SLC38A7: variants seen among roughly 807,000 people sequenced by gnomAD.
SLC38A7 encodes the protein sodium-coupled neutral amino acid transporter 7.
In SLC38A7, 29 loss-of-function variants were observed where a neutral mutation model predicts 50.1. The observed-to-expected ratio is 0.58, with a 90% CI of 0.43 to 0.79. The LOEUF (loss-of-function observed/expected upper bound fraction) is 0.79. SLC38A7 is among the 30% of genes least tolerant of loss of function. SLC38A7 has a pLI of 0.00. For synonymous variants in SLC38A7, 244 were observed against 245.9 expected, an observed-to-expected ratio of 0.99 and a Z score of 0.07; for missense variants, 483 against 610.6, an observed-to-expected ratio of 0.79 and a Z score of 2.20.
chr16:58,668,235 T>A (rs1238868319), intron 11 of SLC38A7, among the ~76,000 whole-genome samples: 2 of 150,886 alleles, frequency 1.3e-5, no homozygotes, highest in Non-Finnish European at 3.0e-5. Flanking sequence ...GTCAGGAGTT[T>A]GAGACCAGCC....
rs1388350481 is a variant in SLC38A7 at position 58,667,133 on chromosome 16, G to A, written c.*252C>T. On this transcript the variant is annotated 3_prime_UTR_variant, in exon 12 of 12. Transcript: ENST00000219320. ...ATGGAGAAGTTGAGAACTGGGAGAG[G>A]AGGAGGGGTCCTCTATGATGTGAGA... is the stretch of plus-strand genomic sequence containing the variant. The A allele has an allele frequency of 3.9e-6, 2 of 510,688 alleles. No individual in the cohort carries two copies. Among genetic ancestry groups the A allele is most frequent in the East Asian group, 3.1e-5 (1 of 32,028 alleles). 31.6% of individuals were successfully genotyped at this position (510,688 alleles called of 1,614,324 possible).
rs2152075066 is a variant in SLC38A7, at chr16:58,670,136, C to T, written c.1263G>A (p.Glu421=). 1 of 1,614,182 alleles carries T rather than the reference C, an allele frequency of 6.2e-7. No homozygotes were observed. The highest frequency in any genetic ancestry group is 1.3e-5 in the African/African-American group (1 of 75,040). The change falls in exon 11 of 12, where the codon GAG becomes GAA. Residue 421 remains glutamate, a synonymous_variant. Transcript: ENST00000219320. Reference sequence around the variant, plus strand: ...ACCTGGCTGGTTTGACCTCTTCCATCTCAGAGAGTTTGGCTTGAATGAGGC... The same window carrying T: ...ACCTGGCTGGTTTGACCTCTTCCATTTCAGAGAGTTTGGCTTGAATGAGGC... ...GLCLIQAKLS[E]MEEVKPASWW...
Position 58,684,134 on chromosome 16 carries a change from G to A in SLC38A7, c.-295C>T, listed in dbSNP as rs1046369452. The A allele has an allele frequency of 6.6e-6, 1 of 152,416 alleles. No individual in the cohort carries two copies. Among genetic ancestry groups the A allele is most frequent in the African/African-American group, 2.4e-5 (1 of 41,478 alleles). 9.4% of individuals were successfully genotyped at this position (152,416 alleles called of 1,614,324 possible). On this transcript the variant is annotated 5_prime_UTR_variant, in exon 2 of 12. Transcript: ENST00000219320. ...CTACTTCTGTGCTGGCTTCAGCAGA[G>A]CTGGAGGAAACTGAGCGGCTCTCAC... is the stretch of plus-strand genomic sequence containing the variant.
rs779717443 is a variant in SLC38A7, at chr16:58,679,930, C to T, written c.197G>A (p.Gly66Asp). ...AIFIVVNACL[G>D]AGLLNFPAAF... Reference sequence around the variant, plus strand: ...TGCTGGGAAGTTGAGTAACCCTGCACCCAGGCACGCGTTGACGACGATGAA... The same window carrying T: ...TGCTGGGAAGTTGAGTAACCCTGCATCCAGGCACGCGTTGACGACGATGAA... Residue 66 changes from glycine to aspartate, a missense_variant, in exon 3 of 12, where the codon GGT (glycine) becomes GAT (aspartate). Gly to Asp is a moderately conservative substitution (Grantham distance 94). Transcript: ENST00000219320. 3 of 1,612,328 alleles carry T rather than the reference C, an allele frequency of 1.9e-6. No homozygotes were observed. Among genetic ancestry groups the T allele is most frequent in the East Asian group, 2.2e-5 (1 of 44,870 alleles).
At position 58,667,491 on chromosome 16, in the gene SLC38A7, T is replaced by C. The variant is rs771825918; in HGVS notation, c.1287-4A>G. On this transcript the variant is annotated splice_region_variant and splice_polypyrimidine_tract_variant and intron_variant, in intron 11 of 11. Transcript: ENST00000219320. Reference sequence around the variant, plus strand: ...GTAGCTGACCAGCACCCACCAGCTGTAGAACAGAGGGTGAGAGAGGTCTGA... The same window carrying C: ...GTAGCTGACCAGCACCCACCAGCTGCAGAACAGAGGGTGAGAGAGGTCTGA... 3 of 1,603,890 alleles carry C rather than the reference T, an allele frequency of 1.9e-6. No homozygotes were observed. The highest frequency in any genetic ancestry group is 3.4e-5 in the Admixed American group (2 of 58,314).
At chr16:58,677,108 G>A (rs1019493715) in intron 6 of SLC38A7, among the ~76,000 whole-genome samples, 2 of 152,192 alleles carry the variant, frequency 1.3e-5, no homozygotes, top group Non-Finnish European at 2.9e-5. Context: ...TCTGTTGGAT[G>A]TAGGTGGCAA....
chr16:58,676,178 T>G, intron 7 of SLC38A7, 111 bp downstream of exon 7: 3 of 1,560,826 alleles, frequency 1.9e-6, no homozygotes, highest in Non-Finnish European at 2.6e-6. Context: ...TGTTCCATCC[T>G]TCCCCCCAGG....
chr16:58,669,152 G>A (rs1459292621), intron 11 of SLC38A7, among the ~76,000 whole-genome samples: 1 of 93,158 alleles, frequency 1.1e-5, no homozygotes, highest in African/African-American at 4.0e-5. Context: ...TTTCCCTCTT[G>A]TTGCCCAGGC....
intron 9 of SLC38A7, 135 bp downstream of exon 9, chr16:58,671,961 C>T (rs1597666386): frequency 9.2e-7 from 1 of 1,088,202 alleles, no homozygotes; most frequent in South Asian, 1.8e-5. Context: ...TGTAGGGACC[C>T]ATCCTAGGCA....
Position 58,666,551 on chromosome 16 carries a change from A to C in SLC38A7, c.*834T>G, listed in dbSNP as rs117468659. On this transcript the variant is annotated 3_prime_UTR_variant, in exon 12 of 12. Coordinates refer to ENST00000219320, the MANE Select transcript of SLC38A7 (RefSeq NM_018231.3). Reference sequence around the variant, plus strand: ...GTCTGAAAGGTTCTCAGCCTTCTCCATCACCCACCCTGCGGCCTCTGAAAA... The same window carrying C: ...GTCTGAAAGGTTCTCAGCCTTCTCCCTCACCCACCCTGCGGCCTCTGAAAA... The C allele has an allele frequency of 3.4e-3, 519 of 152,842 alleles. 6 individuals carry two copies. The highest frequency in any genetic ancestry group is 0.013 in the East Asian group (70 of 5,186). 9.5% of individuals were successfully genotyped at this position (152,842 alleles called of 1,614,324 possible).
intron 11 of SLC38A7, among the ~76,000 whole-genome samples, chr16:58,668,836 G>C (rs986995441): frequency 6.7e-6 from 1 of 149,702 alleles, no homozygotes; most frequent in African/African-American, 2.5e-5. Flanking sequence ...GCAGTGGTGC[G>C]ATCTCCACTT....
chr16:58,677,244 G>A, intron 6 of SLC38A7, 82 bp downstream of exon 6: 1 of 1,150,204 alleles, frequency 8.7e-7, no homozygotes, highest in Non-Finnish European at 1.3e-6. Flanking sequence ...GCACCTGTGT[G>A]GCCTTCTGGT....
chr16:58,667,279 C>A lies in SLC38A7; in HGVS notation c.*106G>T. On this transcript the variant is annotated 3_prime_UTR_variant, in exon 12 of 12. Coordinates refer to ENST00000219320, the MANE Select transcript of SLC38A7 (RefSeq NM_018231.3). ...TCCCTGGAAGAGGATGTCCGGATGT[C>A]ATCCCACCAGTTGGAATGATCGTGG... is the stretch of plus-strand genomic sequence containing the variant. The A allele has an allele frequency of 8.2e-7, 1 of 1,214,470 alleles. No individual in the cohort carries two copies. Among genetic ancestry groups the A allele is most frequent in the South Asian group, 1.3e-5 (1 of 78,152 alleles). 75.2% of individuals were successfully genotyped at this position (1,214,470 alleles called of 1,614,324 possible). A position where few individuals can be genotyped will look rare whatever the true frequency, so the allele number is the denominator to read the frequency against.
intron 2 of SLC38A7, 40 bp downstream of exon 2, chr16:58,683,915 T>TGCTCACTGGCAAATTACTCA (rs2044441667): frequency 6.6e-6 from 1 of 152,360 alleles, no homozygotes; most frequent in East Asian, 1.9e-4. Flanking sequence ...GCACCCCCAC[T>TGCTCACTGGCAAATTACTCA]GCTCACTGGC....
intron 9 of SLC38A7, 78 bp downstream of exon 9, chr16:58,672,018 T>C (rs1209500012): frequency 7.1e-7 from 1 of 1,407,536 alleles, no homozygotes; most frequent in African/African-American, 1.6e-5. Flanking sequence ...CAGGATGGGG[T>C]CCACACAAGG....
In SLC38A7 at chr16:58,674,804, C is replaced by T. The variant is rs530836328; in HGVS notation, c.883+1136G>A. On this transcript the variant is annotated intron_variant, in intron 8 of 11. Transcript: ENST00000219320. ...ACAGTATTGGCCCAGGCAGCTCCTA[C>T]GGTCTATCCGTGGAAAGAACTCAGG... 9.2e-5 allele frequency among the ~76,000 whole-genome samples: 14 copies of T among 152,250 alleles called. 1 individual carries two copies. Among genetic ancestry groups the T allele is most frequent in the African/African-American group, 2.4e-4 (10 of 41,556 alleles).
rs766908711 is a variant in SLC38A7 at position 58,679,760 on chromosome 16, G to C, written c.270+97C>G. ...TGTGTGAGGGAGGGGAGAGCAGTGC[G>C]TGTATCACTTACTGGCCATCCCTGA... On this transcript the variant is annotated intron_variant, in intron 3 of 11. Coordinates refer to ENST00000219320, the MANE Select transcript of SLC38A7 (RefSeq NM_018231.3). The C allele has an allele frequency of 3.4e-6, 5 of 1,487,314 alleles. No individual in the cohort carries two copies. The South Asian group carries it at 3.4e-5, about 10-fold the overall frequency. The allele number at this position is 1,487,314 out of a possible 1,614,324, so 92.1% of individuals were successfully genotyped here. A position where few individuals can be genotyped will look rare whatever the true frequency, so the allele number is the denominator to read the frequency against.
At position 58,665,979 on chromosome 16, in the gene SLC38A7, G is replaced by C. The variant is rs1274355625; in HGVS notation, c.*1406C>G. The C allele has an allele frequency of 6.5e-6, 1 of 152,692 alleles. No individual in the cohort carries two copies. The highest frequency in any genetic ancestry group is 2.4e-5 in the African/African-American group (1 of 41,466). The allele number at this position is 152,692 out of a possible 1,614,324, so 9.5% of individuals were successfully genotyped here. A position where few individuals can be genotyped will look rare whatever the true frequency, so the allele number is the denominator to read the frequency against. ...CGGGGTGAGGGGGAAGGAAGGAGCA[G>C]ACAAAATCCAGACTGGAAGGGAAAC... On this transcript the variant is annotated 3_prime_UTR_variant, in exon 12 of 12. Coordinates refer to ENST00000219320, the MANE Select transcript of SLC38A7 (RefSeq NM_018231.3).
rs530622716 is a variant in SLC38A7, at chr16:58,671,858, C to T, written c.1031+238G>A. 1.7e-5 allele frequency: 7 copies of T among 402,378 alleles called. No individual in the cohort carries two copies. The East Asian group carries it at 2.0e-4, about 12-fold the overall frequency. The allele number at this position is 402,378 out of a possible 1,614,324, so 24.9% of individuals were successfully genotyped here. ...TGCTGGGTTTAGAGACGTGAGCCAC[C>T]GTGCCATGCCATGGATAGAGATTCT... On this transcript the variant is annotated intron_variant, in intron 9 of 11. Transcript: ENST00000219320.
Sources: gnomAD v4.1 joint callset for allele counts (sites outside exome capture counted in the v4.1 genomes callset) on GRCh38, gnomAD v4.1.1 for gene constraint, MANE v1.5 for transcripts, NCBI Gene and HGNC (gene_info 2026-07-23, HGNC 2026-07-21) for gene names.